Variants in CLCC1 observed in about 807,000 individuals in gnomAD.
The protein encoded by CLCC1 is chloride channel CLIC-like protein 1.
Under a neutral mutation model 63.3 loss-of-function variants are expected in CLCC1, and 39 were observed. The observed-to-expected ratio is 0.62, with a 90% CI of 0.48 to 0.81. The LOEUF (loss-of-function observed/expected upper bound fraction) is 0.81. Among genes scored for constraint, CLCC1 ranks in the 30% least tolerant of loss-of-function variants. The pLI, the probability that CLCC1 is intolerant of heterozygous loss-of-function variation, is 0.00. For synonymous variants in CLCC1, 217 were observed against 239.8 expected, an observed-to-expected ratio of 0.90 and a Z score of 0.88; for missense variants, 549 against 669.4, an observed-to-expected ratio of 0.82 and a Z score of 1.98.
chr1:108,939,193 AT>A (rs1225246168), intron 10 of CLCC1, among the ~76,000 whole-genome samples: 1 of 146,758 alleles, frequency 6.8e-6, no homozygotes, highest in Admixed American at 6.9e-5. Context: ...ATATATATAT[AT>A]AAATATAAAT....
intron 2 of CLCC1, among the ~76,000 whole-genome samples, chr1:108,954,851 T>TGTGTGA (rs1372044601): frequency 1.4e-5 from 2 of 145,736 alleles, no homozygotes; most frequent in South Asian, 4.3e-4. Context: ...TGTGTGTGTG[T>TGTGTGA]GACGGAGTTT....
At chr1:108,941,181 A>G (rs553232701) in intron 8 of CLCC1, among the ~76,000 whole-genome samples, 3 of 152,356 alleles carry the variant, frequency 2.0e-5, no homozygotes, top group South Asian at 4.1e-4. Flanking sequence ...AGGAAGACAG[A>G]TAATATCAGA....
intron 2 of CLCC1, among the ~76,000 whole-genome samples, chr1:108,953,620 T>C (rs568671496): frequency 1.6e-4 from 25 of 152,154 alleles, no homozygotes; most frequent in Non-Finnish European, 3.5e-4. Context: ...AGCCCAGTGG[T>C]TGGCACGTGA....
intron 2 of CLCC1, among the ~76,000 whole-genome samples, chr1:108,961,572 G>T (rs770628165): frequency 6.6e-6 from 1 of 152,110 alleles, no homozygotes; most frequent in South Asian, 2.1e-4. Flanking sequence ...TATAATAGTA[G>T]CTAAAGGCCG....
In CLCC1 at chr1:108,962,414, T is replaced by C. The variant is rs1046784792; in HGVS notation, c.-117A>G. On this transcript the variant is annotated 5_prime_UTR_variant, in exon 2 of 13. Coordinates refer to ENST00000369969, the MANE Select transcript of CLCC1 (RefSeq NM_001377458.1). ...TTATGCAGTTTCTTGGAACCATGGCTCTCAAACTTGCGAATTTGCATTTTT... is the reference window on the plus strand; with the variant it reads ...TTATGCAGTTTCTTGGAACCATGGCCCTCAAACTTGCGAATTTGCATTTTT... 1.3e-5 allele frequency: 2 copies of C among 152,200 alleles called. No individual in the cohort carries two copies. Among genetic ancestry groups the C allele is most frequent in the Non-Finnish European group, 2.9e-5 (2 of 68,044 alleles). The allele number at this position is 152,200 out of a possible 1,614,324, so 9.4% of individuals were successfully genotyped here.
Position 108,963,342 on chromosome 1 carries a change from C to A in CLCC1, c.-173+19G>T. On this transcript the variant is annotated intron_variant, in intron 1 of 12. Transcript: ENST00000369969. ...CCCGCCCCACCCGCCGCACAACACACCCAACTGCACGGACTCACGTCCGGG... is the reference window on the plus strand; with the variant it reads ...CCCGCCCCACCCGCCGCACAACACAACCAACTGCACGGACTCACGTCCGGG... The A allele has an allele frequency of 2.9e-6, 2 of 701,252 alleles. No homozygotes were observed. Among genetic ancestry groups the A allele is most frequent in the Non-Finnish European group, 2.6e-6 (1 of 384,118 alleles). The allele number at this position is 701,252 out of a possible 1,614,324, so 43.4% of individuals were successfully genotyped here. A position where few individuals can be genotyped will look rare whatever the true frequency, so the allele number is the denominator to read the frequency against.
Position 108,937,203 on chromosome 1 carries a change from TCTAC to T in CLCC1, c.1253_1256del (p.Gly418GlufsTer5). 6.2e-7 allele frequency: 1 copy of T among 1,611,828 alleles called. No homozygotes were observed. The highest frequency in any genetic ancestry group is 1.1e-5 in the South Asian group (1 of 90,760). ...CATCTCTCTCTCTCAAAATCTCTCT[TCTAC>T]CCTCATACGTTTTGGCATAAGGGCC... On this transcript the variant is annotated frameshift_variant, in exon 11 of 13. Coordinates refer to ENST00000369969, the MANE Select transcript of CLCC1 (RefSeq NM_001377458.1). LOFTEE classifies it high-confidence loss of function.
intron 4 of CLCC1, among the ~76,000 whole-genome samples, chr1:108,948,786 G>C (rs1403203952): frequency 6.6e-6 from 1 of 152,018 alleles, no homozygotes; most frequent in African/African-American, 2.4e-5. Flanking sequence ...CCAAACTTTT[G>C]TATAGCTCAC....
In CLCC1 at chr1:108,939,138, T is replaced by C. The variant is rs149322984; in HGVS notation, c.1041+498A>G. 6.8e-3 allele frequency among the ~76,000 whole-genome samples: 1,005 copies of C among 148,322 alleles called. 14 individuals carry two copies. Among genetic ancestry groups the C allele is most frequent in the African/African-American group, 0.024 (959 of 40,640 alleles). ...TTAATACTAACCAGTATTACTAATA[T>C]TAATACTAAGATTTAATATAAATCT... On this transcript the variant is annotated intron_variant, in intron 10 of 12. Transcript: ENST00000369969.
At chr1:108,943,349 G>A (rs979804363) in intron 7 of CLCC1, 126 bp downstream of exon 7, 16 of 882,762 alleles carry the variant, frequency 1.8e-5, no homozygotes, top group Non-Finnish European at 2.9e-5. Context: ...TTCCTCTCCA[G>A]CGTGGGCCAC....
chr1:108,949,955 ATAGTT>A (rs767620887), intron 3 of CLCC1, 34 bp from the exon 4 acceptor site: 1 of 1,309,968 alleles, frequency 7.6e-7, no homozygotes, highest in Non-Finnish European at 1.1e-6. Context: ...TTATTTCTTT[ATAGTT>A]TAGTTACAAA....
rs1653640445 is a variant in CLCC1, at chr1:108,940,071, G to A, written c.868C>T (p.Pro290Ser). The A allele has an allele frequency of 6.2e-7, 1 of 1,613,230 alleles. No individual in the cohort carries two copies. ...QKYYELLLVN[P>S]IWLVPPTKAL... ...TTTGTTGGTGGGACCAACCAAATAGGGTTGACTAGTAAGAGCTCATAGTAT... is the reference window on the plus strand; with the variant it reads ...TTTGTTGGTGGGACCAACCAAATAGAGTTGACTAGTAAGAGCTCATAGTAT... Residue 290 changes from proline (P) to serine (S), a missense_variant, in exon 9 of 13, where the codon CCT (proline) becomes TCT (serine). By Grantham distance (74) the Pro-to-Ser change is moderately conservative. Coordinates refer to ENST00000369969, the MANE Select transcript of CLCC1 (RefSeq NM_001377458.1).
At position 108,957,294 on chromosome 1, in the gene CLCC1, A is replaced by C. The variant is rs377467512; in HGVS notation, c.-12+5015T>G. ...TGTGAAGTATGGCCACGTAATAGTT[A>C]AGTTCTAGCCAACCCAACGGATAGA... On this transcript the variant is annotated intron_variant, in intron 2 of 12. Coordinates refer to ENST00000369969, the MANE Select transcript of CLCC1 (RefSeq NM_001377458.1). Among the ~76,000 whole-genome samples, 10 of 151,548 alleles carry C rather than the reference A, an allele frequency of 6.6e-5. No homozygotes were observed. In the East Asian group the frequency reaches 1.2e-3, roughly 18 times the overall value.
chr1:108,942,849 T>C (rs1238439437), intron 7 of CLCC1, among the ~76,000 whole-genome samples: 1 of 152,210 alleles, frequency 6.6e-6, no homozygotes, highest in African/African-American at 2.4e-5. Flanking sequence ...AGCAAAGACA[T>C]AGAATGACAT....
chr1:108,931,657 AC>A lies in CLCC1; in HGVS notation c.*889del. 1.1e-6 allele frequency: 1 copy of A among 906,044 alleles called. No individual in the cohort carries two copies. The highest frequency in any genetic ancestry group is 1.6e-6 in the Non-Finnish European group (1 of 638,014). The allele number at this position is 906,044 out of a possible 1,614,324, so 56.1% of individuals were successfully genotyped here. ...AAAAAAAAAAAAGTTCTAAATTACA[AC>A]CTGGATTACATTATGTTTCATGTAT... On this transcript the variant is annotated 3_prime_UTR_variant, in exon 13 of 13. Coordinates refer to ENST00000369969, the MANE Select transcript of CLCC1 (RefSeq NM_001377458.1).
At chr1:108,953,626 C>T (rs1655481126) in intron 2 of CLCC1, among the ~76,000 whole-genome samples, 1 of 152,286 alleles carries the variant, frequency 6.6e-6, no homozygotes, top group South Asian at 2.1e-4. Flanking sequence ...GTGGTTGGCA[C>T]GTGAAAGACA....
Position 108,943,799 on chromosome 1 carries a change from A to G in CLCC1, c.561+37T>C, listed in dbSNP as rs369234662. The G allele has an allele frequency of 5.9e-6, 9 of 1,524,640 alleles. No individual in the cohort carries two copies. The African/African-American group carries it at 1.1e-4, about 19-fold the overall frequency. The allele number at this position is 1,524,640 out of a possible 1,614,324, so 94.4% of individuals were successfully genotyped here. The stretch of plus-strand genomic sequence containing the variant: ...GTTTGGAAAGTATTTTAAAAAGGAA[A>G]CTTAATGACGTTGCCCTTGCCCTCA... On this transcript the variant is annotated intron_variant, in intron 6 of 12. Coordinates refer to ENST00000369969, the MANE Select transcript of CLCC1 (RefSeq NM_001377458.1).
intron 3 of CLCC1, 63 bp from the exon 4 acceptor site, chr1:108,949,984 T>G: frequency 1.0e-6 from 1 of 961,982 alleles, no homozygotes. Context: ...AGCCTTTGGT[T>G]AATGAAGACT....
intron 10 of CLCC1, among the ~76,000 whole-genome samples, chr1:108,938,801 A>G (rs1285188476): frequency 6.6e-6 from 1 of 152,202 alleles, no homozygotes; most frequent in Non-Finnish European, 1.5e-5. Context: ...GGAGACAGAA[A>G]TCAACTTCCT....
Sources: allele counts gnomAD v4.1 joint callset (sites outside exome capture counted in the v4.1 genomes callset), GRCh38; gene constraint gnomAD v4.1.1; transcripts MANE v1.5; gene names NCBI Gene and HGNC (gene_info 2026-07-23, HGNC 2026-07-21).